The following RIGI variants were observed in gnomAD, a reference collection of about 807,000 sequenced individuals.
The protein encoded by RIGI is RNA sensor RIG-I, also known as antiviral innate immune response receptor RIG-I.
At chr9:32,499,311 G>GTTTTTTTTTTT in the RIGI span, among the ~76,000 whole-genome samples, 85 of 81,102 alleles carry the variant, frequency 1.0e-3, no homozygotes, top group South Asian at 1.6e-3. Context: ...CAGAGTTTGT[G>GTTTTTTTTTTT]ATTTGTTTTT....
At chr9:32,509,087 C>T in the RIGI span, among the ~76,000 whole-genome samples, 1 of 152,182 alleles carries the variant, frequency 6.6e-6, no homozygotes, top group Non-Finnish European at 1.5e-5. Context: ...TGAAAAAAAG[C>T]CAGCAGCCCC....
At chr9:32,492,386 C>T in the RIGI span, 1 of 1,614,030 alleles carries the variant, frequency 6.2e-7, no homozygotes, top group Non-Finnish European at 8.5e-7. Flanking sequence ...GGTACAGTGT[C>T]TTACCTTTCT....
the RIGI span, chr9:32,492,272 C>G: frequency 9.1e-7 from 1 of 1,099,418 alleles, no homozygotes; most frequent in African/African-American, 1.6e-5. Context: ...TCCTGCTGGT[C>G]TCGCGTTAGA....
At chr9:32,521,154 A>C in the RIGI span, among the ~76,000 whole-genome samples, 3 of 150,514 alleles carry the variant, frequency 2.0e-5, no homozygotes, top group Admixed American at 6.6e-5. Context: ...AAAAAAAAAA[A>C]AAAAAAAACT....
the RIGI span, among the ~76,000 whole-genome samples, chr9:32,504,038 A>ACACACACACACACAC: frequency 1.5e-5 from 2 of 135,666 alleles, no homozygotes; most frequent in Non-Finnish European, 1.6e-5. Context: ...CAAGACTCCA[A>ACACACACACACACAC]ACACACACAC....
At chr9:32,478,479 T>C in the RIGI span, among the ~76,000 whole-genome samples, 87 of 152,302 alleles carry the variant, frequency 5.7e-4, no homozygotes, top group African/African-American at 1.9e-3. Context: ...TTCAATGACA[T>C]CATGTTGGTA....
chr9:32,495,468 TG>T, the RIGI span, among the ~76,000 whole-genome samples: 2 of 152,024 alleles, frequency 1.3e-5, no homozygotes, highest in Non-Finnish European at 2.9e-5. Flanking sequence ...TCCAAAGTGC[TG>T]GGATTACAGG....
At chr9:32,485,356 T>C in the RIGI span, 2 of 1,039,796 alleles carry the variant, frequency 1.9e-6, no homozygotes, top group East Asian at 2.4e-5. Context: ...TAGTTCAAAG[T>C]AGGTATCTCT....
At chr9:32,522,727 G>T in the RIGI span, among the ~76,000 whole-genome samples, 3 of 152,164 alleles carry the variant, frequency 2.0e-5, no homozygotes, top group Admixed American at 2.0e-4. Flanking sequence ...GTCACCCATA[G>T]TATGGAACTG....
the RIGI span, among the ~76,000 whole-genome samples, chr9:32,477,775 A>C: frequency 6.6e-6 from 1 of 151,894 alleles, no homozygotes; most frequent in Non-Finnish European, 1.5e-5. Flanking sequence ...AAATACAAAA[A>C]TTAGCCAGGC....
chr9:32,511,845 AAAG>A, the RIGI span, among the ~76,000 whole-genome samples: 14 of 152,204 alleles, frequency 9.2e-5, no homozygotes, highest in East Asian at 1.9e-4. Context: ...CCAGTTTAAT[AAAG>A]AAGAAGAGAG....
the RIGI span, chr9:32,459,442 C>G: frequency 1.2e-5 from 19 of 1,613,734 alleles, no homozygotes; most frequent in East Asian, 4.2e-4. Flanking sequence ...TTTTTATTTT[C>G]CTTATCAGGT....
chr9:32,519,870 T>C, the RIGI span, among the ~76,000 whole-genome samples: 1 of 152,248 alleles, frequency 6.6e-6, no homozygotes, highest in Non-Finnish European at 1.5e-5. Flanking sequence ...CCTTCACATG[T>C]ATACTTGAAA....
chr9:32,472,517 T>C, the RIGI span, among the ~76,000 whole-genome samples: 1 of 152,328 alleles, frequency 6.6e-6, no homozygotes, highest in African/African-American at 2.4e-5. Context: ...TGACTTTAAG[T>C]CAGATCAAAA....
the RIGI span, among the ~76,000 whole-genome samples, chr9:32,503,031 A>G: frequency 2.6e-5 from 4 of 152,176 alleles, no homozygotes; most frequent in Admixed American, 2.6e-4. Context: ...AATTCAACTC[A>G]TAACAGCAAC....
At chr9:32,505,358 TAAG>T in the RIGI span, among the ~76,000 whole-genome samples, 1 of 152,056 alleles carries the variant, frequency 6.6e-6, no homozygotes, top group African/African-American at 2.4e-5. Context: ...CATTAAAAAT[TAAG>T]AAGTTCTTCA....
chr9:32,507,644 T>C, the RIGI span, among the ~76,000 whole-genome samples: 6 of 151,958 alleles, frequency 3.9e-5, no homozygotes, highest in African/African-American at 1.4e-4. Flanking sequence ...TTATCTCTTT[T>C]TTATTTATTT....
At chr9:32,513,191 G>C in the RIGI span, among the ~76,000 whole-genome samples, 1 of 151,944 alleles carries the variant, frequency 6.6e-6, no homozygotes, top group Non-Finnish European at 1.5e-5. Flanking sequence ...AGCTACCAAT[G>C]ACTTTCTTCA....
the RIGI span, chr9:32,498,165 C>A: frequency 2.5e-6 from 1 of 405,268 alleles, no homozygotes. Flanking sequence ...CAGAGTGGGT[C>A]TGGCCAGTCT....
Sources: allele counts gnomAD v4.1 joint callset (sites outside exome capture counted in the v4.1 genomes callset), GRCh38; gene constraint gnomAD v4.1.1; transcripts MANE v1.5; gene names NCBI Gene and HGNC (gene_info 2026-07-23, HGNC 2026-07-21).